The following RP1 variants were observed in gnomAD, a reference collection of about 807,000 sequenced individuals.
The protein encoded by RP1 is oxygen-regulated protein 1.
RP1 carries 16 observed loss-of-function variants against 14.8 expected under a neutral mutation model. That is an observed-to-expected ratio of 1.08 (90% CI 0.73 to 1.65). RP1 has a LOEUF of 1.65. Ranked by LOEUF, RP1 falls within the 40% of genes most tolerant of loss-of-function variation. The pLI, the probability that RP1 is intolerant of heterozygous loss-of-function variation, is 0.00. For missense variants in RP1, 2,631 were observed against 2,535.0 expected, an observed-to-expected ratio of 1.04 and a Z score of -0.81; for synonymous variants, 876 against 883.6, an observed-to-expected ratio of 0.99 and a Z score of 0.15.
chr8:54,652,182 A>AT (rs1380682455), intron 4 of RP1, among the ~76,000 whole-genome samples: 5 of 151,806 alleles, frequency 3.3e-5, no homozygotes, highest in African/African-American at 9.7e-5. Flanking sequence ...TAATTTTTGT[A>AT]TTTTTTGTAG....
chr8:54,782,315 T>C (rs1008525579), intron 23 of RP1, among the ~76,000 whole-genome samples: 1 of 152,180 alleles, frequency 6.6e-6, no homozygotes, highest in Non-Finnish European at 1.5e-5. Flanking sequence ...GATGACATTA[T>C]GCAAAATTTA....
intron 1 of RP1, among the ~76,000 whole-genome samples, chr8:54,566,188 T>G (rs572804894): frequency 6.6e-6 from 1 of 152,274 alleles, no homozygotes; most frequent in East Asian, 1.9e-4. Flanking sequence ...AACATATGAA[T>G]CTGGAGTGGA....
chr8:54,572,682 A>C (rs956730423), intron 1 of RP1, among the ~76,000 whole-genome samples: 2 of 152,182 alleles, frequency 1.3e-5, no homozygotes, highest in African/African-American at 4.8e-5. Context: ...TCTGCACGGA[A>C]GAAACATGCT....
At chr8:54,869,046 C>A (rs1289004634) in intron 28 of RP1, among the ~76,000 whole-genome samples, 1 of 152,130 alleles carries the variant, frequency 6.6e-6, no homozygotes, top group Non-Finnish European at 1.5e-5. Flanking sequence ...CAGAACTGCA[C>A]ACAGATACTC....
intron 2 of RP1, 72 bp from the exon 3 acceptor site, chr8:54,622,045 A>C (rs565577713): frequency 1.8e-4 from 277 of 1,507,960 alleles, no homozygotes; most frequent in Non-Finnish European, 2.5e-4. Context: ...GATTTGATTC[A>C]AGCAAAGTTA....
chr8:54,819,959 C>A (rs1272152541), intron 24 of RP1, among the ~76,000 whole-genome samples: 1 of 152,126 alleles, frequency 6.6e-6, no homozygotes, highest in Non-Finnish European at 1.5e-5. Flanking sequence ...GTGACTACTG[C>A]CCGAGTACCA....
At chr8:54,581,864 G>C (rs1208536413) in intron 1 of RP1, among the ~76,000 whole-genome samples, 2 of 151,940 alleles carry the variant, frequency 1.3e-5, no homozygotes, top group Non-Finnish European at 2.9e-5. Context: ...TTTTTTTCTT[G>C]TACATTTGTT....
At chr8:54,633,161 G>A (rs551574433), downstream of RP1, among the ~76,000 whole-genome samples, 9 of 152,118 alleles carry the variant, frequency 5.9e-5, no homozygotes, top group South Asian at 4.2e-4. Context: ...TATTAAACCC[G>A]GAAGAAGCAG....
intron 1 of RP1, among the ~76,000 whole-genome samples, chr8:54,599,924 T>A (rs1193148166): frequency 2.6e-5 from 4 of 152,186 alleles, no homozygotes; most frequent in African/African-American, 9.7e-5. Context: ...GAAAGGGAAC[T>A]CACTCCTCTT....
chr8:54,658,674 T>C (rs955909754), intron 6 of RP1, among the ~76,000 whole-genome samples: 5 of 152,206 alleles, frequency 3.3e-5, no homozygotes, highest in Admixed American at 1.3e-4. Context: ...TTGTGAATCA[T>C]GTTGTAATGA....
intron 6 of RP1, among the ~76,000 whole-genome samples, chr8:54,663,084 G>A (rs995453791): frequency 5.3e-5 from 8 of 152,148 alleles, no homozygotes; most frequent in African/African-American, 1.9e-4. Flanking sequence ...TGAGTGTAAT[G>A]AAATCTTCTG....
chr8:54,782,107 G>A (rs1276257936), intron 23 of RP1, among the ~76,000 whole-genome samples: 1 of 152,170 alleles, frequency 6.6e-6, no homozygotes, highest in Admixed American at 6.6e-5. Flanking sequence ...CAGGTGTGAG[G>A]TTTTCTGTAA....
Position 54,827,305 on chromosome 8 carries a change from T to C in RP1, c.3616-10145T>C, listed in dbSNP as rs189901865. On this transcript the variant is annotated intron_variant, in intron 24 of 28. Transcript: ENST00000637698. The stretch of plus-strand genomic sequence containing the variant: ...GAAACACAAACACATTGTACAGCAG[T>C]ACAAAAATATTTTCTTTATAGTGTA... Among the ~76,000 whole-genome samples the C allele has an allele frequency of 4.2e-4, 64 of 151,450 alleles. 1 individual carries two copies. In the East Asian group the frequency reaches 0.012, roughly 28 times the overall value.
At chr8:54,638,659 A>G (rs1198186643) in intron 3 of RP1, among the ~76,000 whole-genome samples, 1 of 152,012 alleles carries the variant, frequency 6.6e-6, no homozygotes, top group Admixed American at 6.6e-5. Context: ...TTATTCTGGT[A>G]TTCTGAAATT....
chr8:54,785,735 C>A (rs2375219), intron 24 of RP1, among the ~76,000 whole-genome samples: 1 of 151,770 alleles, frequency 6.6e-6, no homozygotes, highest in Non-Finnish European at 1.5e-5. Flanking sequence ...CTAGTGGATG[C>A]GAAATAGTAT....
chr8:54,631,791 C>T (rs988963599), downstream of RP1, among the ~76,000 whole-genome samples: 44 of 151,862 alleles, frequency 2.9e-4, no homozygotes, highest in African/African-American at 8.5e-4. Flanking sequence ...CACGCCACTG[C>T]GCTGGGCATC....
At chr8:54,582,356 G>T (rs1273721439) in intron 1 of RP1, among the ~76,000 whole-genome samples, 6 of 152,038 alleles carry the variant, frequency 3.9e-5, no homozygotes, top group African/African-American at 1.4e-4. Context: ...TGTTCCATTG[G>T]TCTACATCTC....
intron 24 of RP1, among the ~76,000 whole-genome samples, chr8:54,803,345 G>T (rs1423526305): frequency 2.6e-5 from 4 of 152,176 alleles, no homozygotes; most frequent in Admixed American, 2.0e-4. Flanking sequence ...AGATGTCACA[G>T]ATGAACACGG....
chr8:54,815,822 T>G (rs191032191), intron 24 of RP1, among the ~76,000 whole-genome samples: 21 of 152,328 alleles, frequency 1.4e-4, no homozygotes, highest in African/African-American at 4.1e-4. Context: ...TTCAGAAAGA[T>G]AGTTCATATT....
Sources: allele counts gnomAD v4.1 joint callset (sites outside exome capture counted in the v4.1 genomes callset), GRCh38; gene constraint gnomAD v4.1.1; transcripts MANE v1.5; gene names NCBI Gene and HGNC (gene_info 2026-07-23, HGNC 2026-07-21).